LINGO2: variants seen among roughly 807,000 people sequenced by gnomAD.
LINGO2 encodes leucine-rich repeat and immunoglobulin-like domain-containing nogo receptor-interacting protein 2.
LINGO2 carries 14 observed loss-of-function variants against 30.6 expected under a neutral mutation model. That is an observed-to-expected ratio of 0.46 (90% CI 0.30 to 0.72). The LOEUF (loss-of-function observed/expected upper bound fraction) is 0.72, where lower values mean the gene tolerates loss of function less well. Ranked by LOEUF, LINGO2 falls within the 30% of genes least tolerant of loss-of-function variation. LINGO2 has a pLI of 0.07. For missense variants in LINGO2, 729 were observed against 751.7 expected, an observed-to-expected ratio of 0.97 and a Z score of 0.35; for synonymous variants, 317 against 288.5, an observed-to-expected ratio of 1.10 and a Z score of -1.00.
At chr9:28,813,343 A>C in the LINGO2 span, among the ~76,000 whole-genome samples, 1 of 152,196 alleles carries the variant, frequency 6.6e-6, no homozygotes, top group Admixed American at 6.5e-5. Flanking sequence ...TGGCATGGTA[A>C]GAGATTAACT....
chr9:28,545,118 T>C (rs985367814), intron 1 of LINGO2, among the ~76,000 whole-genome samples: 13 of 152,046 alleles, frequency 8.6e-5, no homozygotes, highest in Admixed American at 1.3e-4. Context: ...CTGCAGAGAT[T>C]AAAATCACTT....
chr9:28,235,190 T>C (rs1348313798), intron 4 of LINGO2, among the ~76,000 whole-genome samples: 1 of 152,196 alleles, frequency 6.6e-6, no homozygotes, highest in East Asian at 1.9e-4. Context: ...AGAGAATCTC[T>C]ACATTTGGGA....
chr9:28,809,632 G>C, the LINGO2 span, among the ~76,000 whole-genome samples: 1 of 151,634 alleles, frequency 6.6e-6, no homozygotes. Flanking sequence ...TGTAATTCCA[G>C]CTACTCGGGA....
chr9:28,543,971 G>A (rs997896082), intron 1 of LINGO2, among the ~76,000 whole-genome samples: 1 of 151,960 alleles, frequency 6.6e-6, no homozygotes, highest in Non-Finnish European at 1.5e-5. Flanking sequence ...TTGGAAGGCC[G>A]AGGCAAGCGG....
intron 4 of LINGO2, among the ~76,000 whole-genome samples, chr9:28,071,247 T>C (rs1156452790): frequency 6.6e-5 from 10 of 152,294 alleles, no homozygotes. Context: ...ACATTTCAAG[T>C]GTGGTGCTCA....
chr9:28,310,848 C>T (rs1333564952), intron 3 of LINGO2, among the ~76,000 whole-genome samples: 1 of 151,782 alleles, frequency 6.6e-6, no homozygotes, highest in East Asian at 1.9e-4. Context: ...AAACATTGTC[C>T]CCAATCTGAT....
At chr9:28,223,935 T>C (rs949527422) in intron 4 of LINGO2, among the ~76,000 whole-genome samples, 1 of 152,244 alleles carries the variant, frequency 6.6e-6, no homozygotes, top group Non-Finnish European at 1.5e-5. Flanking sequence ...GTGGCAATGA[T>C]AGCAAAGATG....
At chr9:27,983,676 T>G (rs924988556) in intron 5 of LINGO2, among the ~76,000 whole-genome samples, 56 of 151,910 alleles carry the variant, frequency 3.7e-4, no homozygotes, top group African/African-American at 1.3e-3. Flanking sequence ...CCATTCAAAG[T>G]TCATGCATCT....
intron 1 of LINGO2, among the ~76,000 whole-genome samples, chr9:28,490,387 C>A (rs1247085464): frequency 6.6e-6 from 1 of 152,106 alleles, no homozygotes; most frequent in Non-Finnish European, 1.5e-5. Flanking sequence ...TATCTCTAAC[C>A]CAAAGAAAGT....
chr9:29,004,773 C>A, the LINGO2 span, among the ~76,000 whole-genome samples: 23 of 151,954 alleles, frequency 1.5e-4, no homozygotes, highest in Non-Finnish European at 2.5e-4. Flanking sequence ...CACACACACA[C>A]ACAAAACATC....
intron 4 of LINGO2, among the ~76,000 whole-genome samples, chr9:28,245,932 G>GA (rs928354337): frequency 7.1e-4 from 107 of 150,466 alleles, no homozygotes; most frequent in Non-Finnish European, 1.0e-3. Context: ...CACAGAATTA[G>GA]AAAAAAAAAC....
chr9:28,514,566 G>C (rs1011722237), intron 1 of LINGO2, among the ~76,000 whole-genome samples: 1 of 152,188 alleles, frequency 6.6e-6, no homozygotes, highest in African/African-American at 2.4e-5. Flanking sequence ...CTAATCTAGA[G>C]CAAGGCCCTA....
the LINGO2 span, among the ~76,000 whole-genome samples, chr9:28,689,863 T>C: frequency 6.6e-6 from 1 of 152,158 alleles, no homozygotes; most frequent in African/African-American, 2.4e-5. Context: ...ATGTGGTACA[T>C]ATATACCATG....
the LINGO2 span, among the ~76,000 whole-genome samples, chr9:29,111,371 C>G: frequency 0.24 from 35,713 of 151,902 alleles, 4,331 homozygotes; most frequent in East Asian, 0.41. Flanking sequence ...CGGCCCTTTG[C>G]TCACTCAAAA....
the LINGO2 span, among the ~76,000 whole-genome samples, chr9:29,020,521 T>C: frequency 1.3e-5 from 2 of 152,132 alleles, no homozygotes; most frequent in Non-Finnish European, 2.9e-5. Context: ...AATATGACTT[T>C]ATTAATAGGT....
the LINGO2 span, among the ~76,000 whole-genome samples, chr9:28,818,601 G>A: frequency 6.6e-6 from 1 of 152,104 alleles, no homozygotes; most frequent in Non-Finnish European, 1.5e-5. Context: ...GGCCAGGTTG[G>A]TCTCGAACTC....
chr9:28,314,672 A>G (rs1438649477), intron 3 of LINGO2, among the ~76,000 whole-genome samples: 1 of 152,124 alleles, frequency 6.6e-6, no homozygotes, highest in Non-Finnish European at 1.5e-5. Flanking sequence ...TACATACATC[A>G]GTGGAAACAA....
At chr9:27,937,784 A>G in the LINGO2 span, 1 of 152,184 alleles carries the variant, frequency 6.6e-6, no homozygotes, top group Non-Finnish European at 1.5e-5. Context: ...CACCAAGACA[A>G]TAGGGCTTAG....
intron 1 of LINGO2, among the ~76,000 whole-genome samples, chr9:28,491,431 A>G (rs997502306): frequency 3.9e-5 from 6 of 152,120 alleles, no homozygotes; most frequent in African/African-American, 1.4e-4. Flanking sequence ...ATCCTTAACC[A>G]CACATGCAAA....
Sources: gnomAD v4.1 joint callset for allele counts (sites outside exome capture counted in the v4.1 genomes callset) on GRCh38, gnomAD v4.1.1 for gene constraint, MANE v1.5 for transcripts, NCBI Gene and HGNC (gene_info 2026-07-23, HGNC 2026-07-21) for gene names.